Variants in CACHD1 observed in about 807,000 individuals in gnomAD.
The protein encoded by CACHD1 is cache domain containing 1, also known as VWFA and cache domain-containing protein 1.
CACHD1 carries 71 observed loss-of-function variants against 138.7 expected under a neutral mutation model. The ratio of observed to expected loss-of-function variants is 0.51; its 90% CI spans 0.42 to 0.62. The LOEUF is 0.62. CACHD1 is among the 20% of genes least tolerant of loss of function. CACHD1 has a pLI of 0.00. For synonymous variants in CACHD1, 578 were observed against 591.5 expected (o/e 0.98, Z 0.33); for missense variants, 1,389 against 1,625.3 (o/e 0.85, Z 2.50).
At chr1:64,551,714 A>G (rs1366007974) in intron 2 of CACHD1, among the ~76,000 whole-genome samples, 1 of 152,192 alleles carries the variant, frequency 6.6e-6, no homozygotes, top group Non-Finnish European at 1.5e-5. Flanking sequence ...CCGTGGTTTA[A>G]TCTTGAAGTG....
At position 64,681,929 on chromosome 1, in the gene CACHD1, C is replaced by G. The variant is rs1650204578; in HGVS notation, c.3485-76C>G. On this transcript the variant is annotated intron_variant, in intron 25 of 26. Coordinates refer to ENST00000651257, the MANE Select transcript of CACHD1 (RefSeq NM_020925.4). ...AATTCTCCCAGCATGTAAATGAGCCCTCTCAGAGCAAATGTGTTTGAAACA... is the reference window on the plus strand; with the variant it reads ...AATTCTCCCAGCATGTAAATGAGCCGTCTCAGAGCAAATGTGTTTGAAACA... 9.5e-6 allele frequency: 12 copies of G among 1,257,884 alleles called. No homozygotes were observed. The Admixed American group carries it at 1.2e-4, about 13-fold the overall frequency. 77.9% of individuals were successfully genotyped at this position (1,257,884 alleles called of 1,614,324 possible). A position where few individuals can be genotyped will look rare whatever the true frequency, so the allele number is the denominator to read the frequency against.
intron 8 of CACHD1, among the ~76,000 whole-genome samples, chr1:64,643,534 G>C (rs551536187): frequency 1.3e-3 from 196 of 152,260 alleles, no homozygotes; most frequent in African/African-American, 4.5e-3. Flanking sequence ...TGTAGTACCT[G>C]GTAAAGAAAG....
intron 1 of CACHD1, among the ~76,000 whole-genome samples, chr1:64,484,321 G>C (rs959760231): frequency 2.0e-5 from 3 of 151,934 alleles, no homozygotes; most frequent in Admixed American, 1.3e-4. Flanking sequence ...AGCGGTTTAG[G>C]GGGTCTAGCA....
chr1:64,482,404 C>T lies in CACHD1; in HGVS notation c.198+11462C>T, dbSNP rs150211500. ...GGATGTGCTGAAATGGGTTGGTTTC[C>T]ATAACTTTGCTTGGTGGTGCCTGAA... is the stretch of plus-strand genomic sequence containing the variant. On this transcript the variant is annotated intron_variant, in intron 1 of 26. Coordinates refer to ENST00000651257, the MANE Select transcript of CACHD1 (RefSeq NM_020925.4). 6.8e-3 allele frequency among the ~76,000 whole-genome samples: 1,038 copies of T among 152,308 alleles called. 2 individuals are homozygous for T. Among genetic ancestry groups the T allele is most frequent in the Non-Finnish European group, 0.01 (701 of 68,030 alleles).
chr1:64,671,762 G>C (rs1177106246), intron 17 of CACHD1, 76 bp downstream of exon 17: 5 of 1,549,518 alleles, frequency 3.2e-6, no homozygotes, highest in Admixed American at 1.7e-5. Flanking sequence ...AGTTGAATGG[G>C]AACCGCATAG....
intron 3 of CACHD1, among the ~76,000 whole-genome samples, chr1:64,598,925 T>C (rs1352328887): frequency 7.2e-6 from 1 of 139,328 alleles, no homozygotes; most frequent in Admixed American, 7.5e-5. Flanking sequence ...ATCATTAATA[T>C]TATTATATAT....
chr1:64,565,679 C>T (rs1646875904), intron 2 of CACHD1, among the ~76,000 whole-genome samples: 1 of 152,182 alleles, frequency 6.6e-6, no homozygotes, highest in Admixed American at 6.5e-5. Context: ...TGAGAGGAGA[C>T]ATAATTGTTC....
At position 64,506,962 on chromosome 1, in the gene CACHD1, A is replaced by G. The variant is rs140745883; in HGVS notation, c.198+36020A>G. On this transcript the variant is annotated intron_variant, in intron 1 of 26. Transcript: ENST00000651257. ...TAGATAGGAGCTGAATTTGCTTTTC[A>G]GTTGTTTTTGTGACTGTTGTTAGGT... Among the ~76,000 whole-genome samples the G allele has an allele frequency of 1.3e-3, 192 of 152,282 alleles. 1 individual carries two copies. The highest frequency in any genetic ancestry group is 4.0e-3 in the African/African-American group (168 of 41,546).
intron 2 of CACHD1, among the ~76,000 whole-genome samples, chr1:64,578,383 G>T (rs1340201614): frequency 1.3e-5 from 2 of 152,180 alleles, no homozygotes; most frequent in African/African-American, 4.8e-5. Flanking sequence ...TGATAATTTT[G>T]ATGATTTAGA....
chr1:64,625,518 T>C (rs1648065501), intron 4 of CACHD1, among the ~76,000 whole-genome samples: 1 of 151,944 alleles, frequency 6.6e-6, no homozygotes, highest in Non-Finnish European at 1.5e-5. Context: ...TCCCAGCTAC[T>C]TGGGCGGCTG....
intron 22 of CACHD1, 52 bp from the exon 23 acceptor site, chr1:64,678,107 G>A (rs1186205184): frequency 6.3e-7 from 1 of 1,575,416 alleles, no homozygotes; most frequent in East Asian, 2.3e-5. Context: ...CTTAAGTGCT[G>A]TCCCCTGCCC....
Position 64,541,361 on chromosome 1 carries a change from T to A in CACHD1, c.199-9233T>A, listed in dbSNP as rs1570348848. Among the ~76,000 whole-genome samples, 12 of 145,984 alleles carry A rather than the reference T, an allele frequency of 8.2e-5. 2 individuals are homozygous for A. ...TAAAGTAAAATGTAAACAATATTGG[T>A]TTTTATGGAGTAGTCAGATACAGAT... On this transcript the variant is annotated intron_variant, in intron 1 of 26. Transcript: ENST00000651257.
At chr1:64,531,365 G>A (rs1646583820) in intron 1 of CACHD1, among the ~76,000 whole-genome samples, 1 of 152,140 alleles carries the variant, frequency 6.6e-6, no homozygotes, top group East Asian at 1.9e-4. Flanking sequence ...TATTAATTAG[G>A]CTTGAAGAGA....
rs11412205 is a variant in CACHD1 at position 64,522,308 on chromosome 1, A to ATT, written c.199-28277_199-28276dup. ...CTTTTCTTTTCCTCTCAACCCCCACATTTTTTTTTTGTTTTTTTGAGATGA... is the reference window on the plus strand; with the variant it reads ...CTTTTCTTTTCCTCTCAACCCCCACATTTTTTTTTTTTGTTTTTTTGAGATGA... On this transcript the variant is annotated intron_variant, in intron 1 of 26. Coordinates refer to ENST00000651257, the MANE Select transcript of CACHD1 (RefSeq NM_020925.4). 7.0e-3 allele frequency among the ~76,000 whole-genome samples: 1,043 copies of ATT among 148,862 alleles called. 42 individuals are homozygous for ATT. Among genetic ancestry groups the ATT allele is most frequent in the Admixed American group, 0.053 (796 of 14,928 alleles).
chr1:64,585,390 A>C (rs564402653), intron 3 of CACHD1, among the ~76,000 whole-genome samples: 3 of 152,324 alleles, frequency 2.0e-5, no homozygotes, highest in African/African-American at 7.2e-5. Flanking sequence ...TCAAGCATAA[A>C]ATGTAGTTTC....
At chr1:64,485,918 A>G (rs1015563165) in intron 1 of CACHD1, among the ~76,000 whole-genome samples, 5 of 152,294 alleles carry the variant, frequency 3.3e-5, no homozygotes, top group African/African-American at 1.2e-4. Flanking sequence ...AGTGTATGTT[A>G]AACTTTATAA....
intron 9 of CACHD1, among the ~76,000 whole-genome samples, chr1:64,649,482 A>G (rs1038230059): frequency 1.3e-5 from 2 of 152,118 alleles, no homozygotes; most frequent in Non-Finnish European, 2.9e-5. Context: ...GTTACCTTTT[A>G]TGCATGTAGC....
At chr1:64,496,876 A>AAG (rs1378873833) in intron 1 of CACHD1, among the ~76,000 whole-genome samples, 6 of 151,620 alleles carry the variant, frequency 4.0e-5, no homozygotes, top group African/African-American at 1.2e-4. Context: ...AAAAAAAAAA[A>AAG]AAAGAAAGAA....
At chr1:64,637,098 A>G (rs1216838007) in intron 7 of CACHD1, among the ~76,000 whole-genome samples, 1 of 152,326 alleles carries the variant, frequency 6.6e-6, no homozygotes, top group East Asian at 1.9e-4. Flanking sequence ...CTGTTTGTCA[A>G]TGCCACCCAC....
Sources: allele counts gnomAD v4.1 joint callset (sites outside exome capture counted in the v4.1 genomes callset), GRCh38; gene constraint gnomAD v4.1.1; transcripts MANE v1.5; gene names NCBI Gene and HGNC (gene_info 2026-07-23, HGNC 2026-07-21).